Variants in TRDMT1 observed in about 807,000 individuals in gnomAD.
The protein encoded by TRDMT1 is tRNA aspartic acid methyltransferase 1.
A neutral mutation model predicts 51.2 loss-of-function variants in TRDMT1; 49 were observed. That is an observed-to-expected ratio of 0.96 (90% CI 0.76 to 1.21). The LOEUF (loss-of-function observed/expected upper bound fraction) is 1.21, where lower values mean the gene tolerates loss of function less well. Among genes scored for constraint, TRDMT1 ranks in the 50% most tolerant of loss-of-function variants. The probability of loss-of-function intolerance (pLI) is 0.00; values close to 1 mark genes in which losing one functional copy is unlikely to be tolerated. For synonymous variants in TRDMT1, 187 were observed against 164.6 expected, an observed-to-expected ratio of 1.14 and a Z score of -1.04; for missense variants, 534 against 462.3, an observed-to-expected ratio of 1.16 and a Z score of -1.42.
intron 1 of TRDMT1, among the ~76,000 whole-genome samples, chr10:17,187,084 G>A (rs1844036217): frequency 6.6e-6 from 1 of 152,098 alleles, no homozygotes; most frequent in Non-Finnish European, 1.5e-5. Context: ...GTATTGCCCA[G>A]TAGAGCAAAA....
Position 17,142,652 on chromosome 10 carries a change from T to C in TRDMT1, c.*6388A>G, listed in dbSNP as rs1837778464. The C allele has an allele frequency of 6.6e-6, 1 of 152,292 alleles. No homozygotes were observed. The highest frequency in any genetic ancestry group is 1.5e-5 in the Non-Finnish European group (1 of 68,104). The allele number at this position is 152,292 out of a possible 1,614,324, so 9.4% of individuals were successfully genotyped here. A position where few individuals can be genotyped will look rare whatever the true frequency, so the allele number is the denominator to read the frequency against. Reference sequence around the variant, plus strand: ...CCCCGTGCTGGTAGAGCCAGACTCATCTGGTATTACCGACCAGACTTCAGT... The same window carrying C: ...CCCCGTGCTGGTAGAGCCAGACTCACCTGGTATTACCGACCAGACTTCAGT... On this transcript the variant is annotated 3_prime_UTR_variant, in exon 11 of 11. Transcript: ENST00000377799.
At chr10:17,155,091 G>T (rs1166552477) in intron 8 of TRDMT1, among the ~76,000 whole-genome samples, 2 of 152,036 alleles carry the variant, frequency 1.3e-5, no homozygotes, top group African/African-American at 4.8e-5. Context: ...CAGGCGTGGT[G>T]GTGCGTGCCT....
chr10:17,201,132 T>G (rs1472925125), intron 1 of TRDMT1: 1 of 164,722 alleles, frequency 6.1e-6, no homozygotes, highest in African/African-American at 2.4e-5. Flanking sequence ...CCTTCCAAGA[T>G]CCATCTCTCA....
At chr10:17,185,620 C>A (rs539388789) in intron 1 of TRDMT1, among the ~76,000 whole-genome samples, 1 of 152,074 alleles carries the variant, frequency 6.6e-6, no homozygotes. Context: ...ATGTTTATTG[C>A]GGCACTATTC....
chr10:17,161,014 T>C (rs1588538072), intron 5 of TRDMT1, among the ~76,000 whole-genome samples: 3 of 152,180 alleles, frequency 2.0e-5, no homozygotes, highest in East Asian at 3.8e-4. Context: ...GCCAGTCAGA[T>C]GGGAGCACTG....
chr10:17,182,499 A>G (rs1353594956), intron 1 of TRDMT1, among the ~76,000 whole-genome samples: 2 of 152,250 alleles, frequency 1.3e-5, no homozygotes, highest in African/African-American at 4.8e-5. Flanking sequence ...ACTGGCAAAC[A>G]GAGCAATATG....
At chr10:17,149,727 C>G (rs996247783) in intron 10 of TRDMT1, among the ~76,000 whole-genome samples, 5 of 152,068 alleles carry the variant, frequency 3.3e-5, no homozygotes, top group African/African-American at 1.2e-4. Flanking sequence ...ATAAATGGAG[C>G]CATAAAATAT....
chr10:17,199,898 A>G (rs1845928292), intron 1 of TRDMT1, among the ~76,000 whole-genome samples: 1 of 152,176 alleles, frequency 6.6e-6, no homozygotes, highest in Non-Finnish European at 1.5e-5. Flanking sequence ...GAGAGAAAAT[A>G]TTTTACTCTT....
intron 1 of TRDMT1, among the ~76,000 whole-genome samples, chr10:17,180,280 C>T (rs1006181460): frequency 5.3e-5 from 8 of 152,126 alleles, no homozygotes; most frequent in Non-Finnish European, 1.0e-4. Context: ...GTGGCTCATG[C>T]CTTTAATCCT....
rs186136703 is a variant in TRDMT1, at chr10:17,161,939, T to C, written c.323+227A>G. On this transcript the variant is annotated intron_variant, in intron 4 of 10. Coordinates refer to ENST00000377799, the MANE Select transcript of TRDMT1 (RefSeq NM_004412.7). The stretch of plus-strand genomic sequence containing the variant: ...CACTATGAGCAGAGGCAGCAGAATC[T>C]AGCTAGTAGGCTGTGATTCCCTGTC... Among the ~76,000 whole-genome samples, 376 of 152,332 alleles carry C rather than the reference T, an allele frequency of 2.5e-3. 1 individual carries two copies. The highest frequency in any genetic ancestry group is 1.0e-3 in the Non-Finnish European group (71 of 68,036).
At chr10:17,176,783 T>C (rs1260777678) in intron 1 of TRDMT1, among the ~76,000 whole-genome samples, 1 of 152,210 alleles carries the variant, frequency 6.6e-6, no homozygotes, top group African/African-American at 2.4e-5. Context: ...TTAACTTGAA[T>C]TCCAAAGACT....
chr10:17,148,953 AC>A lies in TRDMT1; in HGVS notation c.*86del. On this transcript the variant is annotated 3_prime_UTR_variant, in exon 11 of 11. Coordinates refer to ENST00000377799, the MANE Select transcript of TRDMT1 (RefSeq NM_004412.7). ...GATTAAAATAATTTAGTTAAATTTCACCAGAATTAGTTCAAAACAGAATTTC... is the reference window on the plus strand; with the variant it reads ...GATTAAAATAATTTAGTTAAATTTCACAGAATTAGTTCAAAACAGAATTTC... 1 of 1,415,062 alleles carries A rather than the reference AC, an allele frequency of 7.1e-7. No homozygotes were observed. The highest frequency in any genetic ancestry group is 9.3e-7 in the Non-Finnish European group (1 of 1,077,876). The allele number at this position is 1,415,062 out of a possible 1,614,324, so 87.7% of individuals were successfully genotyped here. A position where few individuals can be genotyped will look rare whatever the true frequency, so the allele number is the denominator to read the frequency against.
intron 1 of TRDMT1, among the ~76,000 whole-genome samples, chr10:17,178,294 C>T (rs776588078): frequency 2.0e-5 from 3 of 152,104 alleles, no homozygotes; most frequent in East Asian, 1.9e-4. Context: ...TACTAAAGAA[C>T]GTACAGACCC....
intron 1 of TRDMT1, among the ~76,000 whole-genome samples, chr10:17,178,363 T>C (rs1285040117): frequency 6.6e-6 from 1 of 152,156 alleles, no homozygotes; most frequent in Non-Finnish European, 1.5e-5. Flanking sequence ...TAAAGTATAT[T>C]GTTTGGTTCT....
At chr10:17,182,085 C>A (rs1843350359) in intron 1 of TRDMT1, among the ~76,000 whole-genome samples, 1 of 152,176 alleles carries the variant, frequency 6.6e-6, no homozygotes, top group Non-Finnish European at 1.5e-5. Flanking sequence ...TAAGAGGTGA[C>A]CCCTGGCTTT....
intron 6 of TRDMT1, 31 bp downstream of exon 6, chr10:17,160,274 T>G (rs1440556457): frequency 7.3e-7 from 1 of 1,363,052 alleles, no homozygotes; most frequent in Admixed American, 2.7e-5. Context: ...AAATTATAAT[T>G]TATATAAGCA....
rs901262795 is a variant in TRDMT1, at chr10:17,147,289, T to C, written c.*1751A>G. On this transcript the variant is annotated 3_prime_UTR_variant, in exon 11 of 11. Coordinates refer to ENST00000377799, the MANE Select transcript of TRDMT1 (RefSeq NM_004412.7). ...TCTGAACACATATGAAAAATGTAGATAGTGATAGTTTCTGTATATGGGCTG... is the reference window on the plus strand; with the variant it reads ...TCTGAACACATATGAAAAATGTAGACAGTGATAGTTTCTGTATATGGGCTG... The C allele has an allele frequency of 1.0e-6, 1 of 985,626 alleles. No individual in the cohort carries two copies. Among genetic ancestry groups the C allele is most frequent in the Non-Finnish European group, 1.2e-6 (1 of 829,864 alleles). The allele number at this position is 985,626 out of a possible 1,614,324, so 61.1% of individuals were successfully genotyped here.
At chr10:17,176,832 C>A (rs1842680919) in intron 1 of TRDMT1, among the ~76,000 whole-genome samples, 1 of 152,134 alleles carries the variant, frequency 6.6e-6, no homozygotes, top group Non-Finnish European at 1.5e-5. Context: ...TTTAAATCTA[C>A]AATCTCCAAA....
chr10:17,145,845 G>A lies in TRDMT1; in HGVS notation c.*3195C>T. ...GTAGGTGCTTGATATTAGATGAAAT[G>A]TGGTTGCTTCTTTGTTCTGTTCTGC... On this transcript the variant is annotated 3_prime_UTR_variant, in exon 11 of 11. Coordinates refer to ENST00000377799, the MANE Select transcript of TRDMT1 (RefSeq NM_004412.7). 1 of 985,460 alleles carries A rather than the reference G, an allele frequency of 1.0e-6. No individual in the cohort carries two copies. Among genetic ancestry groups the A allele is most frequent in the Non-Finnish European group, 1.2e-6 (1 of 829,930 alleles). The allele number at this position is 985,460 out of a possible 1,614,324, so 61.0% of individuals were successfully genotyped here. A position where few individuals can be genotyped will look rare whatever the true frequency, so the allele number is the denominator to read the frequency against.
Sources: gnomAD v4.1 joint callset for allele counts (sites outside exome capture counted in the v4.1 genomes callset) on GRCh38, gnomAD v4.1.1 for gene constraint, MANE v1.5 for transcripts, NCBI Gene and HGNC (gene_info 2026-07-23, HGNC 2026-07-21) for gene names.